The following COL21A1 variants were observed in gnomAD, a reference collection of about 807,000 sequenced individuals.
The protein encoded by COL21A1 is collagen alpha-1(XXI) chain.
Under a neutral mutation model 137.9 loss-of-function variants are expected in COL21A1, and 149 were observed. The ratio of observed to expected loss-of-function variants is 1.08; its 90% CI spans 0.95 to 1.24. The LOEUF is 1.24. COL21A1 is among the 50% of genes most tolerant of loss of function. The pLI, the probability that COL21A1 is intolerant of heterozygous loss-of-function variation, is 0.00. For synonymous variants in COL21A1, 456 were observed against 391.5 expected (o/e 1.16, Z -1.95); for missense variants, 1,167 against 1,158.4 (o/e 1.01, Z -0.11).
chr6:56,175,405 C>A (rs1326316774), intron 3 of COL21A1, among the ~76,000 whole-genome samples: 1 of 151,786 alleles, frequency 6.6e-6, no homozygotes, highest in African/African-American at 2.4e-5. Flanking sequence ...ATAAAAGACT[C>A]CATGCCAAAA....
chr6:56,268,673 A>G (rs1562032501), intron 1 of COL21A1, among the ~76,000 whole-genome samples: 1 of 152,238 alleles, frequency 6.6e-6, no homozygotes, highest in Non-Finnish European at 1.5e-5. Context: ...AAGGAACATC[A>G]GCCCTCTCAG....
intron 1 of COL21A1, among the ~76,000 whole-genome samples, chr6:56,290,097 C>G (rs564286652): frequency 9.7e-4 from 148 of 152,280 alleles, no homozygotes; most frequent in African/African-American, 3.5e-3. Flanking sequence ...TAGGTCCCTT[C>G]TTCAGCCTCT....
intron 1 of COL21A1, among the ~76,000 whole-genome samples, chr6:56,188,420 T>G (rs1582595418): frequency 6.6e-6 from 1 of 152,192 alleles, no homozygotes; most frequent in South Asian, 2.1e-4. Context: ...TGTGATATAT[T>G]CATACAATGA....
intron 7 of COL21A1, 105 bp downstream of exon 7, chr6:56,166,801 T>C: frequency 1.2e-6 from 1 of 867,946 alleles, no homozygotes; most frequent in Non-Finnish European, 1.9e-6. Flanking sequence ...AAAAATAAAA[T>C]TAAGTCTACA....
intron 1 of COL21A1, among the ~76,000 whole-genome samples, chr6:56,305,349 G>T (rs1027814637): frequency 2.6e-4 from 40 of 152,210 alleles, no homozygotes; most frequent in Non-Finnish European, 5.0e-4. Context: ...AGTCTCCCAT[G>T]ATTATTGTGT....
chr6:56,373,744 G>A (rs918167180), intron 1 of COL21A1, among the ~76,000 whole-genome samples: 2 of 151,988 alleles, frequency 1.3e-5, no homozygotes, highest in African/African-American at 4.8e-5. Context: ...TACTTTTTTT[G>A]TACTGAAAAC....
chr6:56,356,476 T>A (rs983616190), intron 1 of COL21A1, among the ~76,000 whole-genome samples: 5 of 152,178 alleles, frequency 3.3e-5, no homozygotes, highest in African/African-American at 1.2e-4. Flanking sequence ...CCCAATGTCT[T>A]CACATTAAAA....
chr6:56,060,782 G>C lies in COL21A1; in HGVS notation c.2366C>G (p.Ser789Ter). 1 of 1,609,790 alleles carries C rather than the reference G, an allele frequency of 6.2e-7. No individual in the cohort carries two copies. Among genetic ancestry groups the C allele is most frequent in the Non-Finnish European group, 8.5e-7 (1 of 1,178,744 alleles). ...GCAAACTTGTCGAATAAATTGTTCTGAAAACTCTCTTCCCTGCATCAAAGT... is the reference window on the plus strand; with the variant it reads ...GCAAACTTGTCGAATAAATTGTTCTCAAAACTCTCTTCCCTGCATCAAAGT... ...GLDGKPGREFSEQFIRQVCTD... is the reference protein window; with the variant it reads ...GLDGKPGREF Residue 789 changes from serine to a stop codon, truncating the protein, a stop_gained, in exon 27 of 30, where the codon TCA (serine) becomes TGA (stop). Coordinates refer to ENST00000244728, the MANE Select transcript of COL21A1 (RefSeq NM_030820.4). LOFTEE classifies it high-confidence loss of function.
intron 1 of COL21A1, among the ~76,000 whole-genome samples, chr6:56,382,047 A>G (rs574356652): frequency 6.6e-6 from 1 of 152,352 alleles, no homozygotes; most frequent in African/African-American, 2.4e-5. Flanking sequence ...AAAAGGAACT[A>G]ACAAAAGCAT....
At chr6:56,173,380 G>A (rs9357893) in intron 3 of COL21A1, among the ~76,000 whole-genome samples, 85,494 of 150,010 alleles carry the variant, frequency 0.57, 24,657 homozygotes, top group East Asian at 0.79. Context: ...AAAGGAAAGG[G>A]AAAGGAGAAG....
chr6:56,243,314 G>A (rs1044694057), intron 1 of COL21A1, among the ~76,000 whole-genome samples: 1 of 152,182 alleles, frequency 6.6e-6, no homozygotes, highest in African/African-American at 2.4e-5. Flanking sequence ...GGTTAAAGCA[G>A]TGATTCCCTA....
intron 12 of COL21A1, among the ~76,000 whole-genome samples, chr6:56,129,220 G>A (rs1052985463): frequency 6.6e-6 from 1 of 152,136 alleles, no homozygotes; most frequent in African/African-American, 2.4e-5. Flanking sequence ...GAGTATCTGT[G>A]CATATGTGTG....
chr6:56,060,245 C>A, intron 27 of COL21A1, 27 bp from the exon 28 acceptor site: 1 of 1,538,678 alleles, frequency 6.5e-7, no homozygotes, highest in African/African-American at 1.4e-5. Context: ...AACCCCATCC[C>A]TTATGTTTAA....
chr6:56,246,195 C>T (rs1357820114), intron 1 of COL21A1, among the ~76,000 whole-genome samples: 1 of 152,100 alleles, frequency 6.6e-6, no homozygotes, highest in Non-Finnish European at 1.5e-5. Flanking sequence ...TCCCTTAAAC[C>T]CTCAACTACT....
intron 1 of COL21A1, among the ~76,000 whole-genome samples, chr6:56,313,856 G>C (rs1215270489): frequency 6.6e-6 from 1 of 152,194 alleles, no homozygotes; most frequent in Non-Finnish European, 1.5e-5. Flanking sequence ...TATTATTTGA[G>C]TAAGAGAAAG....
chr6:56,179,658 G>A lies in COL21A1; in HGVS notation c.560C>T (p.Ser187Leu), dbSNP rs775643069. 5.6e-6 allele frequency: 9 copies of A among 1,613,774 alleles called. No homozygotes were observed. The highest frequency in any genetic ancestry group is 2.2e-5 in the East Asian group (1 of 44,868). Residue 187 changes from serine (S) to leucine (L), a missense_variant, in exon 3 of 30, where the codon TCG becomes TTG. By Grantham distance (145) the Ser-to-Leu change is moderately radical (BLOSUM62 -2). Coordinates refer to ENST00000244728, the MANE Select transcript of COL21A1 (RefSeq NM_030820.4). ...TTCCACATAAAACACATAAGTAGAC[G>A]AAGGCTTGTTGGCAATAGCTCTAAG... The part of the protein sequence containing the change: ...AELRAIANKP[S>L]STYVFYVEDY...
chr6:56,379,690 G>A (rs13206552), intron 1 of COL21A1, among the ~76,000 whole-genome samples: 35,825 of 152,034 alleles, frequency 0.24, 5,510 homozygotes, highest in East Asian at 0.63. Context: ...AGTACCAGAC[G>A]TGGTCATGGG....
At chr6:56,184,305 C>T (rs531815072) in intron 1 of COL21A1, among the ~76,000 whole-genome samples, 144 of 152,004 alleles carry the variant, frequency 9.5e-4, no homozygotes, top group African/African-American at 3.4e-3. Context: ...GATACATTAC[C>T]TACAGAGGGA....
chr6:56,389,772 G>A (rs1178643581), intron 1 of COL21A1, among the ~76,000 whole-genome samples: 1 of 152,130 alleles, frequency 6.6e-6, no homozygotes, highest in Non-Finnish European at 1.5e-5. Context: ...AAGAGAGAAT[G>A]GGATAACATA....
Sources: gnomAD v4.1 joint callset for allele counts (sites outside exome capture counted in the v4.1 genomes callset) on GRCh38, gnomAD v4.1.1 for gene constraint, MANE v1.5 for transcripts, NCBI Gene and HGNC (gene_info 2026-07-23, HGNC 2026-07-21) for gene names.